Variants in PLCL2 observed in about 807,000 individuals in gnomAD.
PLCL2 encodes inactive phospholipase C-like protein 2.
In PLCL2, 4 loss-of-function variants were observed where a neutral mutation model predicts 79.6. That is an observed-to-expected ratio of 0.05 (90% CI 0.02 to 0.11). PLCL2 has a LOEUF of 0.11. Among genes scored for constraint, PLCL2 ranks in the 10% least tolerant of loss-of-function variants. PLCL2 has a pLI of 1.00. For synonymous variants in PLCL2, 484 were observed against 457.7 expected, an observed-to-expected ratio of 1.06 and a Z score of -0.73; for missense variants, 895 against 1,291.0, an observed-to-expected ratio of 0.69 and a Z score of 4.70.
chr3:17,086,551 A>AGAC (rs2065222160), intron 5 of PLCL2, among the ~76,000 whole-genome samples: 1 of 152,236 alleles, frequency 6.6e-6, no homozygotes, highest in South Asian at 2.1e-4. Context: ...ACACCACCAT[A>AGAC]GACAATCCAT....
chr3:16,961,688 G>A (rs2063755634), intron 1 of PLCL2, among the ~76,000 whole-genome samples: 1 of 152,206 alleles, frequency 6.6e-6, no homozygotes, highest in South Asian at 2.1e-4. Flanking sequence ...ACCAGAAGCA[G>A]AGGAAGCATT....
chr3:16,915,090 A>G (rs982330862), intron 1 of PLCL2, among the ~76,000 whole-genome samples: 6 of 152,202 alleles, frequency 3.9e-5, no homozygotes. Flanking sequence ...TGAAGATTTG[A>G]TCTGCTTTAA....
At chr3:16,909,825 G>A (rs1248705184) in intron 1 of PLCL2, among the ~76,000 whole-genome samples, 8 of 152,024 alleles carry the variant, frequency 5.3e-5, no homozygotes, top group Non-Finnish European at 8.8e-5. Context: ...TTTAAAGATC[G>A]GGATGGTTTC....
At chr3:16,921,394 A>G (rs562197156) in intron 1 of PLCL2, among the ~76,000 whole-genome samples, 1 of 152,322 alleles carries the variant, frequency 6.6e-6, no homozygotes, top group South Asian at 2.1e-4. Context: ...CTTGCTCCAG[A>G]CACTTTGAGA....
intron 1 of PLCL2, among the ~76,000 whole-genome samples, chr3:16,975,408 A>T (rs1466079777): frequency 6.6e-6 from 1 of 152,216 alleles, no homozygotes; most frequent in Non-Finnish European, 1.5e-5. Flanking sequence ...GCTTTGAAAT[A>T]TCTAGTGTAG....
intron 4 of PLCL2, among the ~76,000 whole-genome samples, chr3:17,053,360 A>G (rs1418385983): frequency 6.6e-6 from 1 of 152,084 alleles, no homozygotes; most frequent in East Asian, 1.9e-4. Flanking sequence ...TGAGAACTCA[A>G]AAGGGGGGAT....
At chr3:17,036,305 T>C (rs1403674704) in intron 3 of PLCL2, among the ~76,000 whole-genome samples, 1 of 152,204 alleles carries the variant, frequency 6.6e-6, no homozygotes, top group Non-Finnish European at 1.5e-5. Context: ...TTGTGACTTA[T>C]ATTATGTTCA....
At chr3:16,983,920 T>C (rs2064023903) in intron 1 of PLCL2, among the ~76,000 whole-genome samples, 1 of 152,244 alleles carries the variant, frequency 6.6e-6, no homozygotes, top group Non-Finnish European at 1.5e-5. Flanking sequence ...ATGTAATGAT[T>C]TTGTACGTCA....
intron 1 of PLCL2, among the ~76,000 whole-genome samples, chr3:16,935,080 C>T (rs2039966577): frequency 6.6e-6 from 1 of 152,156 alleles, no homozygotes; most frequent in South Asian, 2.1e-4. Context: ...TGAGTATTAT[C>T]GCTTTGAATT....
At chr3:16,983,118 A>T (rs997148128) in intron 1 of PLCL2, among the ~76,000 whole-genome samples, 6 of 152,208 alleles carry the variant, frequency 3.9e-5, no homozygotes, top group Admixed American at 1.3e-4. Flanking sequence ...TTTCTCCCAC[A>T]CTGCTAATTT....
At chr3:16,953,261 C>T (rs1415209328) in intron 1 of PLCL2, among the ~76,000 whole-genome samples, 5 of 152,054 alleles carry the variant, frequency 3.3e-5, no homozygotes, top group African/African-American at 4.8e-5. Context: ...TGGAGTAATA[C>T]ATAGGAAATA....
chr3:16,886,019 C>T lies in PLCL2; in HGVS notation c.327+653C>T, dbSNP rs1361487808. Among the ~76,000 whole-genome samples the T allele has an allele frequency of 6.6e-6, 1 of 152,192 alleles. No homozygotes were observed. Among genetic ancestry groups the T allele is most frequent in the African/African-American group, 2.4e-5 (1 of 41,446 alleles). The stretch of plus-strand genomic sequence containing the variant: ...TTTCCTTGCTGCAGTAGGCAGGCCT[C>T]GAGTACTGTGGAAGTTCTTTTGGGC... On this transcript the variant is annotated intron_variant, in intron 1 of 5. Transcript: ENST00000615277. This position sits in a 1 kb window ranked among gnomAD's most constrained non-coding sequence, Gnocchi z 4.2.
intron 1 of PLCL2, among the ~76,000 whole-genome samples, chr3:16,910,863 A>G (rs1696863731): frequency 6.6e-6 from 1 of 151,834 alleles, no homozygotes; most frequent in African/African-American, 2.4e-5. Context: ...CTCCTTTCTT[A>G]TCTCATGTAC....
At chr3:17,059,378 C>CA (rs57060253) in intron 4 of PLCL2, among the ~76,000 whole-genome samples, 103 of 111,906 alleles carry the variant, frequency 9.2e-4, no homozygotes, top group Admixed American at 1.6e-3. Context: ...GAATCTGTCT[C>CA]AAAAAAAAAA....
chr3:16,915,577 C>T (rs974258828), intron 1 of PLCL2, among the ~76,000 whole-genome samples: 3 of 152,098 alleles, frequency 2.0e-5, no homozygotes, highest in Non-Finnish European at 4.4e-5. Flanking sequence ...TTGCTGCTCT[C>T]ATATTTTTCC....
At chr3:16,946,004 C>G (rs564866216) in intron 1 of PLCL2, among the ~76,000 whole-genome samples, 26 of 152,286 alleles carry the variant, frequency 1.7e-4, no homozygotes, top group African/African-American at 5.3e-4. Flanking sequence ...CAACAGATGC[C>G]TGTTACTAAA....
intron 5 of PLCL2, among the ~76,000 whole-genome samples, chr3:17,074,416 G>A (rs1234973289): frequency 1.3e-5 from 2 of 152,142 alleles, no homozygotes; most frequent in East Asian, 1.9e-4. Flanking sequence ...TATAGAGCAC[G>A]GGCAGAGTAA....
intron 3 of PLCL2, among the ~76,000 whole-genome samples, chr3:17,039,092 T>C (rs1268890316): frequency 1.3e-5 from 2 of 152,226 alleles, no homozygotes; most frequent in African/African-American, 4.8e-5. Context: ...ACCAAGTACA[T>C]ACTGATGCAG....
chr3:16,931,276 G>A (rs148306770), intron 1 of PLCL2, among the ~76,000 whole-genome samples: 10 of 151,982 alleles, frequency 6.6e-5, no homozygotes, highest in African/African-American at 1.4e-4. Context: ...ACTTAGATCC[G>A]TGTCTGGCAC....
Sources: gnomAD v4.1 joint callset for allele counts (sites outside exome capture counted in the v4.1 genomes callset) on GRCh38, gnomAD v4.1.1 for gene constraint, Gnocchi (gnomAD v3.1) non-coding constraint, MANE v1.5 for transcripts, NCBI Gene and HGNC (gene_info 2026-07-23, HGNC 2026-07-21) for gene names.